The following IDE variants were observed in gnomAD, a reference collection of about 807,000 sequenced individuals.
IDE encodes insulin-degrading enzyme.
A neutral mutation model predicts 133.2 loss-of-function variants in IDE; 58 were observed. That is an observed-to-expected ratio of 0.44 (90% CI 0.35 to 0.54). The LOEUF is 0.54. Among genes scored for constraint, IDE ranks in the 20% least tolerant of loss-of-function variants. The pLI, the probability that IDE is intolerant of heterozygous loss-of-function variation, is 0.00. For missense variants in IDE, 981 were observed against 1,234.0 expected, an observed-to-expected ratio of 0.79 and a Z score of 3.07; for synonymous variants, 396 against 421.3, an observed-to-expected ratio of 0.94 and a Z score of 0.73.
At chr10:92,535,685 A>AAAAGTTTTTC (rs1371735022) in intron 2 of IDE, among the ~76,000 whole-genome samples, 1 of 152,222 alleles carries the variant, frequency 6.6e-6, no homozygotes, top group Non-Finnish European at 1.5e-5. Flanking sequence ...ACACTGAGTT[A>AAAAGTTTTTC]AAAGTTTTTC....
In IDE at chr10:92,510,166, CAAGAAAACAGACA is replaced by C; in HGVS notation, c.785-17_785-5del. 2.1e-6 allele frequency: 3 copies of C among 1,419,030 alleles called. No individual in the cohort carries two copies. Among genetic ancestry groups the C allele is most frequent in the Middle Eastern group, 1.8e-4 (1 of 5,670 alleles). The allele number at this position is 1,419,030 out of a possible 1,614,324, so 87.9% of individuals were successfully genotyped here. ...TTAGTCAAGTCATCTAAAGATTCTA[CAAGAAAACAGACA>C]AGGAAAACAGAACTTAAGCGAATCA... On this transcript the variant is annotated splice_region_variant and splice_polypyrimidine_tract_variant and intron_variant, in intron 5 of 24. Transcript: ENST00000265986.
intron 11 of IDE, among the ~76,000 whole-genome samples, chr10:92,502,498 G>A (rs1334959840): frequency 2.6e-5 from 4 of 152,144 alleles, no homozygotes; most frequent in African/African-American, 9.7e-5. Context: ...CTTGCAACCT[G>A]TGACTGTGCT....
chr10:92,505,921 A>G (rs1848270260), intron 10 of IDE, among the ~76,000 whole-genome samples: 1 of 152,176 alleles, frequency 6.6e-6, no homozygotes, highest in Non-Finnish European at 1.5e-5. Context: ...GCCAAGGAAA[A>G]TTTTGCATTT....
At chr10:92,549,041 T>G (rs563587533) in intron 1 of IDE, among the ~76,000 whole-genome samples, 1 of 152,142 alleles carries the variant, frequency 6.6e-6, no homozygotes, top group South Asian at 2.1e-4. Context: ...GCGGATCACA[T>G]GAGGTCAGGA....
intron 12 of IDE, among the ~76,000 whole-genome samples, chr10:92,489,126 T>A (rs1847197203): frequency 1.3e-5 from 2 of 152,176 alleles, no homozygotes; most frequent in Non-Finnish European, 2.9e-5. Flanking sequence ...CCTGCATTTG[T>A]GACTTTCGGC....
rs552303969 is a variant in IDE at position 92,452,337 on chromosome 10, C to A, written c.*2107G>T. ...TGCTCCCTCTTTCACATCAACTGGT[C>A]AAAAAAGAAGACTTTCTTAAGAAGC... is the stretch of plus-strand genomic sequence containing the variant. On this transcript the variant is annotated 3_prime_UTR_variant, in exon 25 of 25. Coordinates refer to ENST00000265986, the MANE Select transcript of IDE (RefSeq NM_004969.4). The A allele has an allele frequency of 6.6e-6, 1 of 152,216 alleles. No individual in the cohort carries two copies. Among genetic ancestry groups the A allele is most frequent in the East Asian group, 1.9e-4 (1 of 5,184 alleles). 9.4% of individuals were successfully genotyped at this position (152,216 alleles called of 1,614,324 possible). A position where few individuals can be genotyped will look rare whatever the true frequency, so the allele number is the denominator to read the frequency against.
At chr10:92,473,963 C>T (rs578205397) in intron 17 of IDE, among the ~76,000 whole-genome samples, 1 of 151,496 alleles carries the variant, frequency 6.6e-6, no homozygotes, top group African/African-American at 2.4e-5. Flanking sequence ...GCCTGGGCAA[C>T]AGAGCAGACT....
intron 14 of IDE, among the ~76,000 whole-genome samples, chr10:92,482,901 C>T (rs1846703508): frequency 6.6e-6 from 1 of 152,044 alleles, no homozygotes; most frequent in African/African-American, 2.4e-5. Context: ...CTGCCTCAGC[C>T]TCCTGAGTAG....
At chr10:92,570,972 G>A (rs1249081697) in intron 1 of IDE, among the ~76,000 whole-genome samples, 2 of 151,554 alleles carry the variant, frequency 1.3e-5, no homozygotes, top group East Asian at 3.9e-4. Context: ...TGGGGAGACT[G>A]TCCCCAACCC....
intron 4 of IDE, among the ~76,000 whole-genome samples, chr10:92,523,532 TAAA>T (rs35361515): frequency 4.5e-5 from 6 of 132,092 alleles, no homozygotes; most frequent in African/African-American, 5.6e-5. Context: ...GGTCTCTACT[TAAA>T]AAAAAAAAAA....
intron 11 of IDE, 95 bp downstream of exon 11, chr10:92,504,699 T>C: frequency 2.8e-6 from 2 of 703,306 alleles, no homozygotes; most frequent in Non-Finnish European, 5.0e-6. Context: ...TGATAAAATG[T>C]TTAAAAGCAT....
At chr10:92,558,928 A>AT (rs1454019803) in intron 1 of IDE, 1 of 149,672 alleles carries the variant, frequency 6.7e-6, no homozygotes, top group Non-Finnish European at 1.5e-5. Context: ...TACAACTTTA[A>AT]TAAAAAAAAA....
chr10:92,505,226 G>A (rs915402391), intron 10 of IDE, among the ~76,000 whole-genome samples: 6 of 152,112 alleles, frequency 3.9e-5, no homozygotes, highest in South Asian at 2.1e-4. Context: ...AAGAAAATTC[G>A]ATATTAAAAT....
At chr10:92,489,978 G>A (rs1199046798) in intron 12 of IDE, among the ~76,000 whole-genome samples, 1 of 152,218 alleles carries the variant, frequency 6.6e-6, no homozygotes, top group Non-Finnish European at 1.5e-5. Context: ...CCTGACTACT[G>A]ATGAATGGGA....
intron 1 of IDE, among the ~76,000 whole-genome samples, chr10:92,541,600 T>C (rs1842309378): frequency 6.6e-6 from 1 of 152,220 alleles, no homozygotes; most frequent in Non-Finnish European, 1.5e-5. Flanking sequence ...AGGGACATTG[T>C]CATACACTGG....
chr10:92,571,008 T>A (rs113018426), intron 1 of IDE, among the ~76,000 whole-genome samples: 9,602 of 151,506 alleles, frequency 0.063, 434 homozygotes, highest in Middle Eastern at 0.11. Flanking sequence ...TAAGACACAG[T>A]CTCGCTCAGT....
chr10:92,468,641 C>T (rs978858978), intron 19 of IDE, among the ~76,000 whole-genome samples: 6 of 152,156 alleles, frequency 3.9e-5, no homozygotes, highest in Admixed American at 2.6e-4. Context: ...ATTCAAGTAC[C>T]CGTCAATTCC....
intron 11 of IDE, among the ~76,000 whole-genome samples, chr10:92,495,784 T>C (rs931881938): frequency 6.6e-6 from 1 of 152,092 alleles, no homozygotes; most frequent in African/African-American, 2.4e-5. Context: ...AAAAAATCTA[T>C]TGATGAGATT....
chr10:92,537,811 G>A (rs1009821079), intron 1 of IDE, among the ~76,000 whole-genome samples: 2 of 152,116 alleles, frequency 1.3e-5, no homozygotes, highest in Admixed American at 6.5e-5. Flanking sequence ...GATAGGGTGG[G>A]TTAGACCATG....
Sources: gnomAD v4.1 joint callset for allele counts (sites outside exome capture counted in the v4.1 genomes callset) on GRCh38, gnomAD v4.1.1 for gene constraint, MANE v1.5 for transcripts, NCBI Gene and HGNC (gene_info 2026-07-23, HGNC 2026-07-21) for gene names.